The following CA10 variants were observed in gnomAD, a reference collection of about 807,000 sequenced individuals.
CA10 encodes the protein carbonic anhydrase-related protein 10.
In CA10, 14 loss-of-function variants were observed where a neutral mutation model predicts 44.2. The ratio of observed to expected loss-of-function variants is 0.32; its 90% CI spans 0.21 to 0.50. The LOEUF (loss-of-function observed/expected upper bound fraction) is 0.50. Among genes scored for constraint, CA10 ranks in the 20% least tolerant of loss-of-function variants. The pLI is 0.99. For missense variants in CA10, 350 were observed against 409.7 expected (o/e 0.85, Z 1.26); for synonymous variants, 159 against 141.6 (o/e 1.12, Z -0.87).
intron 4 of CA10, among the ~76,000 whole-genome samples, chr17:51,721,666 A>T (rs1026909813): frequency 1.0e-4 from 15 of 147,520 alleles, no homozygotes; most frequent in East Asian, 2.0e-4. Context: ...TGTATGAATT[A>T]AAAAAAAAAA....
At chr17:52,143,157 T>C (rs1989517030) in intron 1 of CA10, among the ~76,000 whole-genome samples, 2 of 152,152 alleles carry the variant, frequency 1.3e-5, no homozygotes, top group African/African-American at 4.8e-5. Flanking sequence ...CCCAGTGCAC[T>C]GCTTTAGTAT....
At chr17:51,681,875 A>G (rs78190575) in intron 4 of CA10, among the ~76,000 whole-genome samples, 2 of 152,120 alleles carry the variant, frequency 1.3e-5, no homozygotes, top group African/African-American at 4.8e-5. Context: ...CTCTAGGTCC[A>G]TGGGTACATA....
At chr17:52,137,495 T>C (rs1417578229) in intron 1 of CA10, among the ~76,000 whole-genome samples, 1 of 152,218 alleles carries the variant, frequency 6.6e-6, no homozygotes, top group Non-Finnish European at 1.5e-5. Flanking sequence ...ACAAACAATA[T>C]AAATTTGGGT....
At chr17:51,822,163 C>T (rs1907828497) in intron 3 of CA10, among the ~76,000 whole-genome samples, 1 of 152,148 alleles carries the variant, frequency 6.6e-6, no homozygotes, top group Non-Finnish European at 1.5e-5. Flanking sequence ...GTGGCTCACA[C>T]CTGTAATCCA....
chr17:51,674,135 G>A (rs1033692267), intron 4 of CA10, among the ~76,000 whole-genome samples: 1 of 152,164 alleles, frequency 6.6e-6, no homozygotes, highest in African/African-American at 2.4e-5. Flanking sequence ...TGTGTACAGC[G>A]CATCTCCCAG....
chr17:52,115,669 T>A (rs2143298385), intron 1 of CA10, among the ~76,000 whole-genome samples: 1 of 152,098 alleles, frequency 6.6e-6, no homozygotes, highest in South Asian at 2.1e-4. Context: ...CCCGCCCCCC[T>A]CCCCTCTCGG....
At chr17:52,034,003 T>G (rs932225938) in intron 2 of CA10, among the ~76,000 whole-genome samples, 1 of 151,910 alleles carries the variant, frequency 6.6e-6, no homozygotes. Flanking sequence ...AGAAGCAGAG[T>G]GAAATGGTGG....
intron 3 of CA10, among the ~76,000 whole-genome samples, chr17:51,852,251 C>T (rs894622290): frequency 2.0e-5 from 3 of 152,108 alleles, no homozygotes; most frequent in South Asian, 4.1e-4. Flanking sequence ...AGCCCAGTTC[C>T]GTTCAAAGAG....
chr17:51,998,627 C>T (rs1985319195), intron 2 of CA10, among the ~76,000 whole-genome samples: 1 of 152,038 alleles, frequency 6.6e-6, no homozygotes, highest in South Asian at 2.1e-4. Context: ...AGTATATCAA[C>T]TTATTTATAT....
At chr17:51,706,736 T>A (rs1915774287) in intron 4 of CA10, among the ~76,000 whole-genome samples, 1 of 152,168 alleles carries the variant, frequency 6.6e-6, no homozygotes, top group East Asian at 1.9e-4. Flanking sequence ...GCCAACTTTT[T>A]TGATCCTATG....
At chr17:51,803,226 G>T (rs778441184) in intron 3 of CA10, among the ~76,000 whole-genome samples, 1 of 152,220 alleles carries the variant, frequency 6.6e-6, no homozygotes, top group African/African-American at 2.4e-5. Flanking sequence ...GCCTTGAGAA[G>T]CTGATAAGGA....
intron 2 of CA10, among the ~76,000 whole-genome samples, chr17:51,986,878 C>G (rs1984857695): frequency 6.6e-6 from 1 of 151,860 alleles, no homozygotes; most frequent in Non-Finnish European, 1.5e-5. Context: ...CATGGATGTG[C>G]TGAACAGGGA....
rs142723822 is a variant in CA10 at position 51,698,900 on chromosome 17, G to A, written c.466-45164C>T. Among the ~76,000 whole-genome samples the A allele has an allele frequency of 5.0e-3, 755 of 152,268 alleles. 10 individuals are homozygous for A. The highest frequency in any genetic ancestry group is 0.017 in the African/African-American group (715 of 41,530). On this transcript the variant is annotated intron_variant, in intron 4 of 8. Transcript: ENST00000451037. ...TGGCAGGATTTCCTTTGTTTTTAAG[G>A]CTGGATGATATTCCATTTTCATTAC...
At chr17:52,120,016 G>A (rs1299708771) in intron 1 of CA10, among the ~76,000 whole-genome samples, 1 of 152,168 alleles carries the variant, frequency 6.6e-6, no homozygotes, top group Non-Finnish European at 1.5e-5. Context: ...GCAGGTGATA[G>A]GAGTAAATAG....
At chr17:51,806,059 G>A (rs547613763) in intron 3 of CA10, among the ~76,000 whole-genome samples, 1 of 152,338 alleles carries the variant, frequency 6.6e-6, no homozygotes, top group East Asian at 1.9e-4. Flanking sequence ...GAGCAAGGGT[G>A]AGAGTAGAGC....
chr17:51,820,874 C>T (rs1907754303), intron 3 of CA10, among the ~76,000 whole-genome samples: 1 of 152,058 alleles, frequency 6.6e-6, no homozygotes, highest in Non-Finnish European at 1.5e-5. Context: ...AGAAGTGTTT[C>T]TTTTTGGTAG....
At chr17:52,009,199 A>T (rs1352566242) in intron 2 of CA10, among the ~76,000 whole-genome samples, 1 of 151,824 alleles carries the variant, frequency 6.6e-6, no homozygotes, top group Non-Finnish European at 1.5e-5. Context: ...GTTTTTTTTT[A>T]ACGTGTCTCT....
At chr17:51,666,405 T>C (rs1019036694) in intron 4 of CA10, among the ~76,000 whole-genome samples, 2 of 152,186 alleles carry the variant, frequency 1.3e-5, no homozygotes, top group East Asian at 1.9e-4. Context: ...AGTTTGAAGA[T>C]GGAGAAGGGG....
intron 3 of CA10, among the ~76,000 whole-genome samples, chr17:51,817,925 G>C (rs1907627206): frequency 6.6e-6 from 1 of 152,206 alleles, no homozygotes; most frequent in Admixed American, 6.5e-5. Context: ...GGCAGAGCTG[G>C]AATTGTAACC....
Sources: gnomAD v4.1 joint callset for allele counts (sites outside exome capture counted in the v4.1 genomes callset) on GRCh38, gnomAD v4.1.1 for gene constraint, MANE v1.5 for transcripts, NCBI Gene and HGNC (gene_info 2026-07-23, HGNC 2026-07-21) for gene names.